Variants in PLCG2 observed in about 807,000 individuals in gnomAD.
PLCG2 encodes the protein 1-phosphatidylinositol 4,5-bisphosphate phosphodiesterase gamma-2.
Under a neutral mutation model 175.6 loss-of-function variants are expected in PLCG2, and 69 were observed. The ratio of observed to expected loss-of-function variants is 0.39; its 90% CI spans 0.32 to 0.48. The LOEUF is 0.48. Among genes scored for constraint, PLCG2 ranks in the 20% least tolerant of loss-of-function variants. The pLI is 0.91. For missense variants in PLCG2, 1,798 were observed against 1,650.9 expected (o/e 1.09, Z -1.54); for synonymous variants, 827 against 624.0 (o/e 1.33, Z -4.85).
intron 2 of PLCG2, among the ~76,000 whole-genome samples, chr16:81,842,340 G>C (rs897107575): frequency 2.6e-5 from 4 of 152,184 alleles, no homozygotes; most frequent in Non-Finnish European, 4.4e-5. Flanking sequence ...TGGAGATGTG[G>C]ATATTCACAT....
At chr16:81,813,157 T>G (rs4889398) in intron 2 of PLCG2, among the ~76,000 whole-genome samples, 151,599 of 152,316 alleles carry the variant, frequency 1, 75,443 homozygotes, top group East Asian at 1. Flanking sequence ...GGTTATGTGG[T>G]CTCTTTTTTG....
intron 26 of PLCG2, among the ~76,000 whole-genome samples, chr16:81,934,807 G>A (rs1910640442): frequency 1.3e-5 from 2 of 151,346 alleles, no homozygotes; most frequent in Admixed American, 1.3e-4. Context: ...TCCACGTGGA[G>A]GAGGCCTCAC....
In PLCG2 at chr16:81,862,116, G is replaced by C. The variant is rs539522653; in HGVS notation, c.479+2953G>C. Among the ~76,000 whole-genome samples the C allele has an allele frequency of 8.5e-4, 130 of 152,316 alleles. 1 individual carries two copies. The highest frequency in any genetic ancestry group is 3.1e-3 in the African/African-American group (130 of 41,572). ...GCCAATGAAAGAGCAACTGACTTCT[G>C]TCCTGCCAATTTCCCTCCCTTTCCT... On this transcript the variant is annotated intron_variant, in intron 5 of 32. Coordinates refer to ENST00000564138, the MANE Select transcript of PLCG2 (RefSeq NM_002661.5).
chr16:81,805,139 A>C (rs575689201), intron 2 of PLCG2, among the ~76,000 whole-genome samples: 1 of 152,174 alleles, frequency 6.6e-6, no homozygotes, highest in East Asian at 1.9e-4. Flanking sequence ...AGCCACAGAT[A>C]GGGGAAAATA....
chr16:81,832,724 C>A (rs939306862), intron 2 of PLCG2, among the ~76,000 whole-genome samples: 1 of 152,228 alleles, frequency 6.6e-6, no homozygotes, highest in Non-Finnish European at 1.5e-5. Context: ...ATTTTAATTA[C>A]ACTTCTGTGA....
At chr16:81,942,924 T>A (rs979779480) in intron 30 of PLCG2, among the ~76,000 whole-genome samples, 12 of 151,152 alleles carry the variant, frequency 7.9e-5, no homozygotes, top group African/African-American at 2.5e-4. Flanking sequence ...AATTATTTTT[T>A]TTTTTTTTAT....
At chr16:81,770,865 T>C (rs992236603) in intron 2 of PLCG2, among the ~76,000 whole-genome samples, 1 of 152,016 alleles carries the variant, frequency 6.6e-6, no homozygotes, top group Non-Finnish European at 1.5e-5. Context: ...GAGACCATCC[T>C]GGCTAACACG....
chr16:81,897,173 C>A (rs1414574784), intron 13 of PLCG2, among the ~76,000 whole-genome samples: 1 of 152,246 alleles, frequency 6.6e-6, no homozygotes, highest in Admixed American at 6.5e-5. Flanking sequence ...CAGAGGCCAT[C>A]ATATGCCGAC....
At chr16:81,957,889 T>C (rs1253884114) in intron 32 of PLCG2, 67 bp from the exon 33 acceptor site, 15 of 1,352,250 alleles carry the variant, frequency 1.1e-5, no homozygotes, top group Non-Finnish European at 1.6e-5. Flanking sequence ...AGAGAAATGT[T>C]ACAGAGTTCA....
chr16:81,920,582 G>C lies in PLCG2; in HGVS notation c.2236-616G>C, dbSNP rs569714305. ...GAAACATGGAAGATAGCAGTGAATG[G>C]GATCTGGGGAGAAGTGAATGAAGGG... On this transcript the variant is annotated intron_variant, in intron 20 of 32. Coordinates refer to ENST00000564138, the MANE Select transcript of PLCG2 (RefSeq NM_002661.5). Among the ~76,000 whole-genome samples the C allele has an allele frequency of 4.6e-5, 7 of 152,282 alleles. No homozygotes were observed. The East Asian group carries it at 1.4e-3, about 29-fold the overall frequency.
intron 13 of PLCG2, among the ~76,000 whole-genome samples, chr16:81,900,013 A>G (rs141597852): frequency 1.8e-3 from 270 of 152,312 alleles, no homozygotes; most frequent in Middle Eastern, 0.017. Flanking sequence ...AGATAAGAAA[A>G]ATCAACTACA....
At chr16:81,824,660 C>G (rs113221518) in intron 2 of PLCG2, among the ~76,000 whole-genome samples, 31 of 152,324 alleles carry the variant, frequency 2.0e-4, no homozygotes, top group African/African-American at 7.2e-4. Flanking sequence ...AATTAAAGGG[C>G]AACACTGAGG....
At chr16:81,922,448 C>T (rs768830306) in intron 21 of PLCG2, among the ~76,000 whole-genome samples, 1 of 152,214 alleles carries the variant, frequency 6.6e-6, no homozygotes, top group Non-Finnish European at 1.5e-5. Context: ...TTTAGCGATA[C>T]TATAGTTAGC....
rs72832906 is a variant in PLCG2 at position 81,771,119 on chromosome 16, C to G, written c.-47-14824C>G. 4.0e-3 allele frequency among the ~76,000 whole-genome samples: 615 copies of G among 152,114 alleles called. 1 individual carries two copies. The highest frequency in any genetic ancestry group is 0.01 in the Middle Eastern group (3 of 294). ...CAGATCATAAGTACAGAGCTCAGTA[C>G]ATTTTCATAAAGTGACTAACCCATG... is the stretch of plus-strand genomic sequence containing the variant. On this transcript the variant is annotated intron_variant, in intron 2 of 5. Transcript: ENST00000565054.
At chr16:81,766,200 A>G (rs1910146131) in intron 2 of PLCG2, among the ~76,000 whole-genome samples, 1 of 151,708 alleles carries the variant, frequency 6.6e-6, no homozygotes, top group African/African-American at 2.4e-5. Context: ...ACCTACAGGG[A>G]CTCAGGCCTT....
At position 81,859,162 on chromosome 16, in the gene PLCG2, A is replaced by C; in HGVS notation, c.478A>C (p.Ser160Arg). ...IYSVDQTRRN[S>R]ISLRELKTIL... The stretch of plus-strand genomic sequence containing the variant: ...TTCTGTGGATCAAACCAGAAGAAAC[A>C]GGTAAGAGTCATTCAGTTTTTTTCT... Residue 160 changes from serine to arginine, a missense_variant and splice_region_variant, in exon 5 of 33, where the codon AGC becomes CGC. Ser to Arg is a moderately radical substitution (Grantham distance 110). Coordinates refer to ENST00000564138, the MANE Select transcript of PLCG2 (RefSeq NM_002661.5). 6.3e-7 allele frequency: 1 copy of C among 1,587,116 alleles called. No individual in the cohort carries two copies. Among genetic ancestry groups the C allele is most frequent in the Non-Finnish European group, 8.7e-7 (1 of 1,155,370 alleles).
intron 31 of PLCG2, among the ~76,000 whole-genome samples, chr16:81,954,072 G>A (rs141992122): frequency 6.6e-6 from 1 of 152,266 alleles, no homozygotes; most frequent in African/African-American, 2.4e-5. Context: ...GCCCAGGCTG[G>A]AGTACAGTGG....
chr16:81,870,760 A>G (rs1907473663), intron 6 of PLCG2, 92 bp from the exon 7 acceptor site: 1 of 615,804 alleles, frequency 1.6e-6, no homozygotes, highest in Non-Finnish European at 2.7e-6. Flanking sequence ...ATAGCATGCC[A>G]TTTCTGAAAC....
At chr16:81,817,438 C>T (rs1376406204) in intron 2 of PLCG2, among the ~76,000 whole-genome samples, 2 of 152,184 alleles carry the variant, frequency 1.3e-5, no homozygotes, top group East Asian at 1.9e-4. Context: ...GCTTTTGTTG[C>T]GCACGCTGGA....
Sources: gnomAD v4.1 joint callset for allele counts (sites outside exome capture counted in the v4.1 genomes callset) on GRCh38, gnomAD v4.1.1 for gene constraint, MANE v1.5 for transcripts, NCBI Gene and HGNC (gene_info 2026-07-23, HGNC 2026-07-21) for gene names.